ZFHX3: variants seen among roughly 807,000 people sequenced by gnomAD.
ZFHX3 encodes zinc finger homeobox 3.
ZFHX3 carries 42 observed loss-of-function variants against 279.1 expected under a neutral mutation model. The ratio of observed to expected loss-of-function variants is 0.15; its 90% CI spans 0.12 to 0.19. The LOEUF (loss-of-function observed/expected upper bound fraction) is 0.19, where lower values mean the gene tolerates loss of function less well. Ranked by LOEUF, ZFHX3 falls within the 10% of genes least tolerant of loss-of-function variation. The pLI, the probability that ZFHX3 is intolerant of heterozygous loss-of-function variation, is 1.00. For missense variants in ZFHX3, 4,981 were observed against 4,754.0 expected (o/e 1.05, Z -1.40); for synonymous variants, 2,293 against 1,957.8 (o/e 1.17, Z -4.52).
At chr16:73,756,726 A>T (rs975535248) in intron 1 of ZFHX3, among the ~76,000 whole-genome samples, 3 of 26,966 alleles carry the variant, frequency 1.1e-4, no homozygotes, top group Non-Finnish European at 2.5e-4. Flanking sequence ...CCCCTGCCCC[A>T]CCCCCGCTCC....
At chr16:73,848,708 A>G (rs1157593478) in intron 1 of ZFHX3, among the ~76,000 whole-genome samples, 5 of 152,218 alleles carry the variant, frequency 3.3e-5, no homozygotes, top group Admixed American at 1.3e-4. Context: ...ATTCTGTGAT[A>G]ACATCCTGAT....
At chr16:73,277,228 G>T (rs746859731) in intron 4 of ZFHX3, among the ~76,000 whole-genome samples, 1 of 152,194 alleles carries the variant, frequency 6.6e-6, no homozygotes, top group Non-Finnish European at 1.5e-5. Flanking sequence ...TCTCAGGGCT[G>T]ACAAACTGCA....
chr16:73,243,316 G>T (rs539578201), intron 5 of ZFHX3, among the ~76,000 whole-genome samples: 1 of 152,220 alleles, frequency 6.6e-6, no homozygotes, highest in African/African-American at 2.4e-5. Context: ...AGTGGGTATT[G>T]GAAGGTCTGG....
At chr16:73,409,482 G>C (rs1459255257) in intron 3 of ZFHX3, among the ~76,000 whole-genome samples, 1 of 152,154 alleles carries the variant, frequency 6.6e-6, no homozygotes, top group Non-Finnish European at 1.5e-5. Flanking sequence ...TGCTGGCAAG[G>C]ATGTGGAGAA....
At chr16:73,436,835 C>G (rs1009809990) in intron 3 of ZFHX3, among the ~76,000 whole-genome samples, 1 of 152,144 alleles carries the variant, frequency 6.6e-6, no homozygotes, top group African/African-American at 2.4e-5. Flanking sequence ...TAGATGGACA[C>G]CAAAGTGATC....
At chr16:72,910,710 T>C (rs1360478177) in intron 3 of ZFHX3, among the ~76,000 whole-genome samples, 1 of 151,616 alleles carries the variant, frequency 6.6e-6, no homozygotes, top group African/African-American at 2.4e-5. Flanking sequence ...CCCTCGGGAG[T>C]TTTTAAAAAT....
chr16:72,899,927 C>T (rs980519124), intron 3 of ZFHX3, among the ~76,000 whole-genome samples: 1 of 152,128 alleles, frequency 6.6e-6, no homozygotes, highest in Non-Finnish European at 1.5e-5. Flanking sequence ...TATTTCTCTC[C>T]TTACAACCAA....
At chr16:73,580,102 AT>A (rs2143821919) in intron 2 of ZFHX3, among the ~76,000 whole-genome samples, 1 of 151,604 alleles carries the variant, frequency 6.6e-6, no homozygotes, top group African/African-American at 2.4e-5. Context: ...TGAAGAAATA[AT>A]TATTCTATTA....
rs1183087097 is a variant in ZFHX3 at position 72,797,732 on chromosome 16, G to A, written c.4950C>T (p.Ser1650=). The A allele has an allele frequency of 1.2e-6, 2 of 1,614,018 alleles. No individual in the cohort carries two copies. The highest frequency in any genetic ancestry group is 1.7e-5 in the Admixed American group (1 of 59,998). The part of the protein sequence containing the change: ...GNSSSISLSS[S]TPSPVSTSGS... ...CACTGGTGCTCACAGGACTTGGCGT[G>A]GAGGAGCTCAAGGAAATACTGCTGC... The change falls in exon 9 of 10, where the codon TCC becomes TCT. Residue 1650 remains serine (S), a synonymous_variant. Transcript: ENST00000268489.
At position 72,870,715 on chromosome 16, in the gene ZFHX3, C is replaced by G. The variant is rs1314712000; in HGVS notation, c.3448+19016G>C. 8.8e-4 allele frequency among the ~76,000 whole-genome samples: 57 copies of G among 64,836 alleles called. 1 individual carries two copies. Among genetic ancestry groups the G allele is most frequent in the African/African-American group, 5.5e-3 (57 of 10,368 alleles). The allele number at this position is 64,836 out of a possible 152,430, so 42.5% of individuals were successfully genotyped here. A position where few individuals can be genotyped will look rare whatever the true frequency, so the allele number is the denominator to read the frequency against. On this transcript the variant is annotated intron_variant, in intron 4 of 9. Coordinates refer to ENST00000268489, the MANE Select transcript of ZFHX3 (RefSeq NM_006885.4). ...CCTGGGCGACAGAGCAAGACTCTGTCTCAAAAAAAAAAAAAAAAAAAGAAA... is the reference window on the plus strand; with the variant it reads ...CCTGGGCGACAGAGCAAGACTCTGTGTCAAAAAAAAAAAAAAAAAAAGAAA...
intron 3 of ZFHX3, among the ~76,000 whole-genome samples, chr16:73,451,273 C>G (rs2018278254): frequency 6.6e-6 from 1 of 152,212 alleles, no homozygotes; most frequent in Admixed American, 6.5e-5. Flanking sequence ...TGGAAGGACA[C>G]AGGCCAGATC....
intron 5 of ZFHX3, among the ~76,000 whole-genome samples, chr16:73,175,586 G>T (rs561669360): frequency 1.3e-5 from 2 of 152,170 alleles, no homozygotes; most frequent in Non-Finnish European, 2.9e-5. Flanking sequence ...CTAGACCAGG[G>T]TCTGGCCATG....
chr16:73,874,357 G>T (rs2029888696), intron 1 of ZFHX3, among the ~76,000 whole-genome samples: 1 of 152,110 alleles, frequency 6.6e-6, no homozygotes, highest in Admixed American at 6.5e-5. Flanking sequence ...TTGATGTCTG[G>T]ATTCCAATTT....
chr16:72,865,996 C>T (rs1021476614), intron 4 of ZFHX3, among the ~76,000 whole-genome samples: 3 of 152,064 alleles, frequency 2.0e-5, no homozygotes, highest in Admixed American at 2.0e-4. Context: ...ACTCCTCCCA[C>T]ACAAAGGAAG....
intron 2 of ZFHX3, among the ~76,000 whole-genome samples, chr16:73,621,740 G>A (rs1264165490): frequency 1.3e-5 from 2 of 152,158 alleles, no homozygotes; most frequent in African/African-American, 2.4e-5. Context: ...CATATTCTTG[G>A]TAATGCCAAG....
chr16:73,877,201 T>TGGGGG (rs112129642), intron 1 of ZFHX3, among the ~76,000 whole-genome samples: 3 of 105,598 alleles, frequency 2.8e-5, no homozygotes, highest in Non-Finnish European at 4.0e-5. Flanking sequence ...GGGGGTTAGG[T>TGGGGG]CGGGGGGGGG....
At chr16:73,878,276 A>G (rs1333239970) in intron 1 of ZFHX3, among the ~76,000 whole-genome samples, 1 of 152,154 alleles carries the variant, frequency 6.6e-6, no homozygotes, top group East Asian at 1.9e-4. Flanking sequence ...AAATTATGCA[A>G]TTGTTCATCC....
intron 1 of ZFHX3, among the ~76,000 whole-genome samples, chr16:73,792,701 G>A (rs751249050): frequency 2.6e-5 from 4 of 152,170 alleles, no homozygotes; most frequent in Non-Finnish European, 5.9e-5. Context: ...AACGAATGGA[G>A]AATGGCAAGT....
chr16:73,602,402 C>T (rs564178462), intron 2 of ZFHX3, among the ~76,000 whole-genome samples: 3 of 152,118 alleles, frequency 2.0e-5, no homozygotes, highest in Non-Finnish European at 4.4e-5. Flanking sequence ...TGCAAGGAAG[C>T]AACGTCTTTC....
Sources: allele counts gnomAD v4.1 joint callset (sites outside exome capture counted in the v4.1 genomes callset), GRCh38; gene constraint gnomAD v4.1.1; transcripts MANE v1.5; gene names NCBI Gene and HGNC (gene_info 2026-07-23, HGNC 2026-07-21).